Variants in PDCL observed in about 807,000 individuals in gnomAD.
The protein encoded by PDCL is phosducin like, also known as phosducin-like protein.
Under a neutral mutation model 26.7 loss-of-function variants are expected in PDCL, and 11 were observed. That is an observed-to-expected ratio of 0.41 (90% confidence interval 0.26 to 0.68). The LOEUF is 0.68. Among genes scored for constraint, PDCL ranks in the 30% least tolerant of loss-of-function variants. The pLI is 0.30. For synonymous variants in PDCL, 118 were observed against 134.9 expected (o/e 0.87, Z 0.87); for missense variants, 330 against 371.6 (o/e 0.89, Z 0.92).
At position 122,818,648 on chromosome 9, in the gene PDCL, G is replaced by A. The variant is rs554971713; in HGVS notation, c.*1437C>T. The A allele has an allele frequency of 4.6e-5, 7 of 151,078 alleles. No homozygotes were observed. The East Asian group carries it at 9.7e-4, about 21-fold the overall frequency. 9.4% of individuals were successfully genotyped at this position (151,078 alleles called of 1,614,324 possible). ...TTTACAGTTAGTCAATTCCTGAAAA[G>A]CCAGGAAAATCAAAATTGTGAATTT... On this transcript the variant is annotated 3_prime_UTR_variant, in exon 4 of 4. Transcript: ENST00000259467.
In PDCL at chr9:122,818,323, T is replaced by C. The variant is rs1193810911; in HGVS notation, c.*1762A>G. The C allele has an allele frequency of 5.3e-5, 8 of 152,158 alleles. No homozygotes were observed. Among genetic ancestry groups the C allele is most frequent in the African/African-American group, 1.7e-4 (7 of 41,430 alleles). The allele number at this position is 152,158 out of a possible 1,614,324, so 9.4% of individuals were successfully genotyped here. A position where few individuals can be genotyped will look rare whatever the true frequency, so the allele number is the denominator to read the frequency against. ...ATAAAGAGACTGGTTAAATAAATTA[T>C]TATATATCCAAATGATGAAATATTA... On this transcript the variant is annotated 3_prime_UTR_variant, in exon 4 of 4. Coordinates refer to ENST00000259467, the MANE Select transcript of PDCL (RefSeq NM_005388.5).
At chr9:122,826,555 T>C in intron 2 of PDCL, 61 bp downstream of exon 2, 1 of 1,335,962 alleles carries the variant, frequency 7.5e-7, no homozygotes, top group East Asian at 2.5e-5. Flanking sequence ...ATGTATTTAA[T>C]TAATATGTAT....
chr9:122,826,626 T>A lies in PDCL; in HGVS notation c.162A>T (p.Ser54=). 1 of 1,614,024 alleles carries A rather than the reference T, an allele frequency of 6.2e-7. No homozygotes were observed. Among genetic ancestry groups the A allele is most frequent in the Non-Finnish European group, 8.5e-7 (1 of 1,179,886 alleles). ...AEAELAGEGI[S]VNTGPKGVIN... Reference sequence around the variant, plus strand: ...AGGGTTTCTCAGTACCTGTGTTAACTGAGATGCCTTCGCCTGCCAGCTCAG... The same window carrying A: ...AGGGTTTCTCAGTACCTGTGTTAACAGAGATGCCTTCGCCTGCCAGCTCAG... Residue 54 remains serine (S), a synonymous_variant, in exon 2 of 4, where the codon TCA becomes TCT. Coordinates refer to ENST00000259467, the MANE Select transcript of PDCL (RefSeq NM_005388.5).
At position 122,820,578 on chromosome 9, in the gene PDCL, T is replaced by C; in HGVS notation, c.413A>G (p.Gln138Arg). The C allele has an allele frequency of 6.2e-7, 1 of 1,613,940 alleles. No individual in the cohort carries two copies. The highest frequency in any genetic ancestry group is 8.5e-7 in the Non-Finnish European group (1 of 1,179,956). Residue 138 changes from glutamine (Q) to arginine (R), a missense_variant, in exon 4 of 4, where the codon CAG (glutamine) becomes CGG (arginine). Gln to Arg is a conservative substitution (Grantham distance 43, BLOSUM62 1). Coordinates refer to ENST00000259467, the MANE Select transcript of PDCL (RefSeq NM_005388.5). ...NEDQDDEEFL[Q>R]QYRKQRMEEM... ...TTCCATTCGCTGCTTCCGGTACTGCTGCAGAAACTCTTCATCATCTTGGTC... is the reference window on the plus strand; with the variant it reads ...TTCCATTCGCTGCTTCCGGTACTGCCGCAGAAACTCTTCATCATCTTGGTC...
chr9:122,823,941 T>A (rs1044942579), intron 2 of PDCL, among the ~76,000 whole-genome samples: 3 of 152,214 alleles, frequency 2.0e-5, no homozygotes, highest in East Asian at 3.9e-4. Context: ...AGCTAATATT[T>A]GTATTTTTAG....
Position 122,823,205 on chromosome 9 carries a change from G to A in PDCL, c.173-8C>T, listed in dbSNP as rs777319199. 6.8e-6 allele frequency: 11 copies of A among 1,613,786 alleles called. No homozygotes were observed. The South Asian group carries it at 1.2e-4, about 18-fold the overall frequency. On this transcript the variant is annotated splice_polypyrimidine_tract_variant and splice_region_variant and intron_variant, in intron 2 of 3. Transcript: ENST00000259467. ...TGATCACACCTTTTGGGCCTGAGTA[G>A]GGTGAACACGGATGTGACCAAGGAG...
Position 122,825,381 on chromosome 9 carries a change from C to T in PDCL, c.172+1235G>A, listed in dbSNP as rs1043381318. ...TTCACTGTGTTGCCCAGGCTGGTCT[C>T]GAACTCCTGAGCTCAGGCAGTCCAC... On this transcript the variant is annotated intron_variant, in intron 2 of 3. Transcript: ENST00000259467. 5.3e-5 allele frequency among the ~76,000 whole-genome samples: 8 copies of T among 152,190 alleles called. No homozygotes were observed. The East Asian group carries it at 1.2e-3, about 22-fold the overall frequency.
intron 2 of PDCL, among the ~76,000 whole-genome samples, chr9:122,824,313 G>A (rs149588335): frequency 3.6e-4 from 55 of 152,278 alleles, no homozygotes; most frequent in African/African-American, 1.3e-3. Context: ...AGTATGCCAT[G>A]TCTGAGCAAA....
Position 122,823,091 on chromosome 9 carries a change from C to T in PDCL, c.279G>A (p.Met93Ile). The T allele has an allele frequency of 6.2e-7, 1 of 1,614,206 alleles. No homozygotes were observed. Among genetic ancestry groups the T allele is most frequent in the South Asian group, 1.1e-5 (1 of 91,078 alleles). Residue 93 changes from methionine to isoleucine, a missense_variant, in exon 3 of 4, where the codon ATG (methionine) becomes ATA (isoleucine). Physicochemically the swap from Met to Ile is conservative, Grantham distance 10 (BLOSUM62 1). Transcript: ENST00000259467. ...CTTCATCCAGATGGGACCTGCAAGT[C>T]ATTGACAGCTTCTTGATCAGCCTTT... The part of the protein sequence containing the change: ...EMERLIKKLS[M>I]TCRSHLDEEE...
At chr9:122,822,876 G>A in intron 3 of PDCL, 140 bp downstream of exon 3, 1 of 746,984 alleles carries the variant, frequency 1.3e-6, no homozygotes, top group South Asian at 1.7e-5. Context: ...GTGGGTTTGA[G>A]TTTTGACAGG....
chr9:122,825,653 C>G (rs891293889), intron 2 of PDCL, among the ~76,000 whole-genome samples: 2 of 152,036 alleles, frequency 1.3e-5, no homozygotes. Context: ...ATATTTACCA[C>G]TCATATCACA....
At chr9:122,823,239 G>A (rs776724659) in intron 2 of PDCL, 42 bp from the exon 3 acceptor site, 3 of 1,593,676 alleles carry the variant, frequency 1.9e-6, no homozygotes, top group South Asian at 1.1e-5. Flanking sequence ...AGAATGGGCA[G>A]GGAATTATGG....
rs1219116071 is a variant in PDCL, at chr9:122,826,775, C to T, written c.13G>A (p.Asp5Asn). 2 of 1,614,024 alleles carry T rather than the reference C, an allele frequency of 1.2e-6. No homozygotes were observed. MTTL[D>N]DKLLGEKLQY... ...AGTTTCTCCCCCAGCAACTTATCAT[C>T]AAGGGTGGTCATGGTGTCTGGAAAA... The change falls in exon 2 of 4, where the codon GAT becomes AAT. Residue 5 changes from aspartate to asparagine, a missense_variant. Physicochemically the swap from Asp to Asn is conservative, Grantham distance 23. Transcript: ENST00000259467.
At chr9:122,824,267 C>T (rs759516388) in intron 2 of PDCL, among the ~76,000 whole-genome samples, 1 of 152,126 alleles carries the variant, frequency 6.6e-6, no homozygotes, top group Non-Finnish European at 1.5e-5. Flanking sequence ...CTTGACTATG[C>T]GACTTGCTGG....
chr9:122,820,520 T>C lies in PDCL; in HGVS notation c.471A>G (p.Gln157=), dbSNP rs766595363. 2.0e-5 allele frequency: 32 copies of C among 1,614,074 alleles called. No homozygotes were observed. Among genetic ancestry groups the C allele is most frequent in the South Asian group, 3.3e-5 (3 of 91,078 alleles). Reference sequence around the variant, plus strand: ...TGGAGATCTCAAAAACCTGCTTGAATTGGGGCCCCTTGTGAAGCTGCTGCC... The same window carrying C: ...TGGAGATCTCAAAAACCTGCTTGAACTGGGGCCCCTTGTGAAGCTGCTGCC... ...EMRQQLHKGP[Q]FKQVFEISSG... Residue 157 remains glutamine (Q), a synonymous_variant, in exon 4 of 4, where the codon CAA becomes CAG. Transcript: ENST00000259467.
chr9:122,825,469 C>A (rs531502171), intron 2 of PDCL, among the ~76,000 whole-genome samples: 6 of 152,098 alleles, frequency 3.9e-5, no homozygotes, highest in East Asian at 1.9e-4. Flanking sequence ...GCCAGGAGAA[C>A]CTTTTTATAC....
intron 2 of PDCL, among the ~76,000 whole-genome samples, chr9:122,825,517 C>T (rs940058059): frequency 2.0e-5 from 3 of 151,988 alleles, no homozygotes; most frequent in African/African-American, 2.4e-5. Flanking sequence ...GGTGAAGAAA[C>T]GCCTTTTAAG....
Position 122,820,272 on chromosome 9 carries a change from T to G in PDCL, c.719A>C (p.Lys240Thr). 1 of 1,614,142 alleles carries G rather than the reference T, an allele frequency of 6.2e-7. No individual in the cohort carries two copies. ...AAAATTGCCGATCAATTCACCCCCC[T>G]TATAGATCAGCAGGGCAGGAAGGGC... ...RNALPALLIY[K>T]GGELIGNFVR... is the part of the protein sequence containing the mutation. The change falls in exon 4 of 4, where the codon AAG (lysine) becomes ACG (threonine). Residue 240 changes from lysine to threonine, a missense_variant. Transcript: ENST00000259467.
In PDCL at chr9:122,826,600, C is replaced by T. The variant is rs1485847194; in HGVS notation, c.172+16G>A. 2 of 1,607,444 alleles carry T rather than the reference C, an allele frequency of 1.2e-6. No individual in the cohort carries two copies. The highest frequency in any genetic ancestry group is 2.2e-5 in the East Asian group (1 of 44,764). On this transcript the variant is annotated intron_variant, in intron 2 of 3. Coordinates refer to ENST00000259467, the MANE Select transcript of PDCL (RefSeq NM_005388.5). ...ATTTTTTAAGCCTGTTCCCAGAGCC[C>T]AGGGTTTCTCAGTACCTGTGTTAAC...
Sources: allele counts gnomAD v4.1 joint callset (sites outside exome capture counted in the v4.1 genomes callset), GRCh38; gene constraint gnomAD v4.1.1; transcripts MANE v1.5; gene names NCBI Gene and HGNC (gene_info 2026-07-23, HGNC 2026-07-21).